ZCCHC2: variants seen among roughly 807,000 people sequenced by gnomAD.
The protein encoded by ZCCHC2 is zinc finger CCHC domain-containing protein 2.
Under a neutral mutation model 103.6 loss-of-function variants are expected in ZCCHC2, and 39 were observed. The observed-to-expected ratio is 0.38, with a 90% CI of 0.29 to 0.49. ZCCHC2 has a LOEUF of 0.49. ZCCHC2 is among the 20% of genes least tolerant of loss of function. The pLI is 0.96. For synonymous variants in ZCCHC2, 687 were observed against 608.9 expected, an observed-to-expected ratio of 1.13 and a Z score of -1.89; for missense variants, 1,483 against 1,491.0, an observed-to-expected ratio of 0.99 and a Z score of 0.09.
chr18:62,524,746 C>CTG (rs1211053458), intron 1 of ZCCHC2: 1 of 211,780 alleles, frequency 4.7e-6, no homozygotes, highest in Non-Finnish European at 9.3e-6. Flanking sequence ...CTGGAGGAAC[C>CTG]TGTGTGAGAG....
intron 8 of ZCCHC2, among the ~76,000 whole-genome samples, chr18:62,562,251 C>T (rs977849297): frequency 6.6e-6 from 1 of 152,170 alleles, no homozygotes; most frequent in Non-Finnish European, 1.5e-5. Context: ...ATCCACCCAC[C>T]TCAGCCTCCC....
intron 10 of ZCCHC2, 125 bp downstream of exon 10, chr18:62,564,760 C>A: frequency 1.2e-6 from 1 of 826,322 alleles, no homozygotes; most frequent in Non-Finnish European, 1.8e-6. Flanking sequence ...GGGTTTTACT[C>A]TTTTGGTTCA....
intron 7 of ZCCHC2, among the ~76,000 whole-genome samples, chr18:62,559,362 C>G (rs147960611): frequency 1.8e-4 from 28 of 152,332 alleles, no homozygotes; most frequent in Non-Finnish European, 3.5e-4. Context: ...ATAGGTGATT[C>G]TGAGATGAGG....
rs1041222528 is a variant in ZCCHC2 at position 62,524,030 on chromosome 18, C to T, written c.606C>T (p.Leu202=). The change falls in exon 1 of 14, where the codon CTC becomes CTT. Residue 202 remains leucine, a synonymous_variant. Transcript: ENST00000269499. ...HRLLPQVDSV[L]KSLRAARGEG... ...TGCTACCCCAGGTGGACTCGGTGCT[C>T]AAAAGCCTGCGCGCGGCCCGGGGCG... is the stretch of plus-strand genomic sequence containing the variant. 4.7e-5 allele frequency: 69 copies of T among 1,469,190 alleles called. No homozygotes were observed. Among genetic ancestry groups the T allele is most frequent in the African/African-American group, 8.9e-5 (6 of 67,660 alleles). 91.0% of individuals were successfully genotyped at this position (1,469,190 alleles called of 1,614,324 possible). A position where few individuals can be genotyped will look rare whatever the true frequency, so the allele number is the denominator to read the frequency against.
At chr18:62,563,197 A>G in intron 9 of ZCCHC2, 53 bp downstream of exon 9, 1 of 1,558,448 alleles carries the variant, frequency 6.4e-7, no homozygotes. Context: ...GCTCCTCTAT[A>G]AGAAAAAAAT....
intron 1 of ZCCHC2, chr18:62,526,172 G>T (rs72941624): frequency 0.18 from 27,745 of 152,110 alleles, 3,337 homozygotes; most frequent in Non-Finnish European, 0.27. Flanking sequence ...AGAGTAATGA[G>T]ATTTTTATGT....
chr18:62,558,604 C>T, intron 6 of ZCCHC2, 83 bp from the exon 7 acceptor site: 1 of 821,250 alleles, frequency 1.2e-6, no homozygotes, highest in South Asian at 2.2e-5. Context: ...ATTCATTTTC[C>T]TTAGGTAAAA....
Position 62,575,508 on chromosome 18 carries a change from G to C in ZCCHC2, c.3427G>C (p.Ala1143Pro), listed in dbSNP as rs754188961. 7 of 1,614,026 alleles carry C rather than the reference G, an allele frequency of 4.3e-6. No homozygotes were observed. In the South Asian group the frequency reaches 7.7e-5, roughly 18 times the overall value. The stretch of plus-strand genomic sequence containing the variant: ...CAATTGTGGTGTAAGCGGACACTAT[G>C]CACAGGACTGTAAGCAGTCGTCCAT... ...CYNCGVSGHYAQDCKQSSMEA... is the reference protein window; with the variant it reads ...CYNCGVSGHYPQDCKQSSMEA... Residue 1143 changes from alanine to proline, a missense_variant, in exon 13 of 14, where the codon GCA (alanine) becomes CCA (proline). Coordinates refer to ENST00000269499, the MANE Select transcript of ZCCHC2 (RefSeq NM_017742.6).
intron 4 of ZCCHC2, among the ~76,000 whole-genome samples, chr18:62,547,523 C>CTT (rs750271442): frequency 4.6e-5 from 7 of 151,474 alleles, no homozygotes; most frequent in Non-Finnish European, 8.8e-5. Context: ...TTCTGGCCCC[C>CTT]TTCACCTGTT....
Position 62,575,605 on chromosome 18 carries a change from C to T in ZCCHC2, c.3469+55C>T, listed in dbSNP as rs918477560. On this transcript the variant is annotated intron_variant, in intron 13 of 13. Transcript: ENST00000269499. ...TTTTGAGTTCACTCATTTCTCCTTC[C>T]TTTCCTTATTGATCATGGGATTCTG... 4 of 1,550,962 alleles carry T rather than the reference C, an allele frequency of 2.6e-6. No homozygotes were observed. The African/African-American group carries it at 5.4e-5, about 21-fold the overall frequency.
At chr18:62,585,298 AGC>A (rs1415650861) in exon 15 of ZCCHC2, 7 of 152,380 alleles carry the variant, frequency 4.6e-5, no homozygotes, top group African/African-American at 1.7e-4. Context: ...AATCTACTGA[AGC>A]AGTGGGGCAA....
In ZCCHC2 at chr18:62,565,040, G is replaced by A. The variant is rs549986383; in HGVS notation, c.1790G>A (p.Arg597Lys). 9.9e-6 allele frequency: 16 copies of A among 1,613,632 alleles called. No homozygotes were observed. The South Asian group carries it at 1.6e-4, about 17-fold the overall frequency. Reference sequence around the variant, plus strand: ...AAAACTGACAACAGATTGAATAGTAGAATAAATGGTATTAGACTCTCCACT... The same window carrying A: ...AAAACTGACAACAGATTGAATAGTAAAATAAATGGTATTAGACTCTCCACT... ...IKKTDNRLNS[R>K]INGIRLSTPQ... The change falls in exon 11 of 14, where the codon AGA (arginine) becomes AAA (lysine). Residue 597 changes from arginine (R) to lysine (K), a missense_variant. Transcript: ENST00000269499.
At position 62,565,091 on chromosome 18, in the gene ZCCHC2, T is replaced by G. The variant is rs749309067; in HGVS notation, c.1841T>G (p.Val614Gly). ...STPQHAHGGT[V>G]KDVNLDIGSG... ...CCTCAGCATGCCCATGGTGGTACTG[T>G]GAAAGGTAAGAAGGTTATTTTTCTT... The change falls in exon 11 of 14, where the codon GTG (valine) becomes GGG (glycine). Residue 614 changes from valine to glycine, a missense_variant. Val to Gly is a moderately radical substitution (Grantham distance 109). This residue lies in a region of ZCCHC2 where 884 missense variants were observed against 907.5 expected (regional missense o/e 0.97). Transcript: ENST00000269499. 3 of 1,610,532 alleles carry G rather than the reference T, an allele frequency of 1.9e-6. No individual in the cohort carries two copies. The highest frequency in any genetic ancestry group is 8.5e-7 in the Non-Finnish European group (1 of 1,176,994).
chr18:62,557,170 C>CT (rs1282717601), intron 6 of ZCCHC2, among the ~76,000 whole-genome samples: 1 of 152,186 alleles, frequency 6.6e-6, no homozygotes, highest in African/African-American at 2.4e-5. Context: ...CTTATTTCAC[C>CT]TTTCACCACT....
At chr18:62,560,559 T>A in intron 7 of ZCCHC2, 28 bp from the exon 8 acceptor site, 3 of 1,604,402 alleles carry the variant, frequency 1.9e-6, no homozygotes, top group Non-Finnish European at 2.6e-6. Flanking sequence ...GCATTTAGTG[T>A]AATAAGTTAC....
At chr18:62,542,423 T>C (rs1915235858) in intron 2 of ZCCHC2, 75 bp from the exon 3 acceptor site, 4 of 1,159,534 alleles carry the variant, frequency 3.4e-6, no homozygotes, top group Non-Finnish European at 4.9e-6. Context: ...TGTCAACTTT[T>C]AGGGTTACTT....
chr18:62,556,371 G>A, intron 6 of ZCCHC2, 74 bp downstream of exon 6: 1 of 1,212,044 alleles, frequency 8.3e-7, no homozygotes, highest in African/African-American at 1.5e-5. Context: ...GTCATTTTGT[G>A]TAGGTTTGTC....
chr18:62,554,500 G>C (rs965555078), intron 5 of ZCCHC2, among the ~76,000 whole-genome samples: 3 of 152,106 alleles, frequency 2.0e-5, no homozygotes, highest in African/African-American at 7.2e-5. Context: ...CGGTATAATT[G>C]CCATCTGTGG....
intron 12 of ZCCHC2, among the ~76,000 whole-genome samples, 189 bp downstream of exon 12, chr18:62,570,420 A>G (rs1005231351): frequency 6.6e-6 from 1 of 152,246 alleles, no homozygotes; most frequent in Non-Finnish European, 1.5e-5. Flanking sequence ...ATTCCTAACA[A>G]TGTTGATTTG....
Sources: gnomAD v4.1 joint callset for allele counts (sites outside exome capture counted in the v4.1 genomes callset) on GRCh38, gnomAD v4.1.1 for gene constraint, gnomAD v4.1.1 regional missense constraint, MANE v1.5 for transcripts, NCBI Gene and HGNC (gene_info 2026-07-23, HGNC 2026-07-21) for gene names.